The following GRIK2 variants were observed in gnomAD, a reference collection of about 807,000 sequenced individuals.
GRIK2 encodes glutamate receptor ionotropic, kainate 2.
GRIK2 carries 32 observed loss-of-function variants against 100.3 expected under a neutral mutation model. The ratio of observed to expected loss-of-function variants is 0.32; its 90% CI spans 0.24 to 0.43. The LOEUF is 0.43. Ranked by LOEUF, GRIK2 falls within the 20% of genes least tolerant of loss-of-function variation. The pLI is 1.00. For missense variants in GRIK2, 843 were observed against 1,114.9 expected, an observed-to-expected ratio of 0.76 and a Z score of 3.47; for synonymous variants, 417 against 389.4, an observed-to-expected ratio of 1.07 and a Z score of -0.83.
chr6:102,025,643 T>G (rs569895163), intron 14 of GRIK2, among the ~76,000 whole-genome samples: 1 of 151,164 alleles, frequency 6.6e-6, no homozygotes, highest in South Asian at 2.1e-4. Context: ...AATTAATGAT[T>G]AATATAATCA....
intron 10 of GRIK2, among the ~76,000 whole-genome samples, chr6:101,856,813 G>A (rs563094987): frequency 4.6e-5 from 7 of 152,150 alleles, no homozygotes; most frequent in South Asian, 4.2e-4. Flanking sequence ...TTGACCATGC[G>A]GAAGAGAGAC....
chr6:102,006,384 A>AT (rs1795228774), intron 14 of GRIK2, among the ~76,000 whole-genome samples: 2 of 111,752 alleles, frequency 1.8e-5, no homozygotes, highest in Admixed American at 8.3e-5. Context: ...ATATATATAT[A>AT]TATATATTTT....
At chr6:101,554,551 A>G (rs1327369243) in intron 2 of GRIK2, among the ~76,000 whole-genome samples, 1 of 152,176 alleles carries the variant, frequency 6.6e-6, no homozygotes, top group Non-Finnish European at 1.5e-5. Context: ...CTCTGCCTTT[A>G]TATCTACTCC....
intron 7 of GRIK2, among the ~76,000 whole-genome samples, chr6:101,701,351 C>T (rs539932535): frequency 6.6e-6 from 1 of 152,052 alleles, no homozygotes; most frequent in African/African-American, 2.4e-5. Flanking sequence ...CCTGTGCCTT[C>T]GTAGTACCTG....
chr6:101,484,538 TACACAC>T (rs138774364), intron 2 of GRIK2, among the ~76,000 whole-genome samples: 142 of 148,134 alleles, frequency 9.6e-4, no homozygotes, highest in African/African-American at 2.3e-3. Flanking sequence ...TATATGTAAC[TACACAC>T]ACACACACAC....
At chr6:101,448,681 C>T (rs1211690817) in intron 2 of GRIK2, among the ~76,000 whole-genome samples, 1 of 151,484 alleles carries the variant, frequency 6.6e-6, no homozygotes, top group East Asian at 1.9e-4. Context: ...GTTTTATTGA[C>T]AGCAACAAAA....
intron 7 of GRIK2, among the ~76,000 whole-genome samples, chr6:101,791,187 T>G (rs1186421999): frequency 6.6e-6 from 1 of 152,158 alleles, no homozygotes; most frequent in Admixed American, 6.6e-5. Flanking sequence ...TGTTGAAGGG[T>G]TTTTTGTGTG....
At chr6:101,793,258 C>A (rs756083366) in intron 7 of GRIK2, among the ~76,000 whole-genome samples, 2 of 152,206 alleles carry the variant, frequency 1.3e-5, no homozygotes, top group South Asian at 2.1e-4. Context: ...TGAGGAACTG[C>A]GTTCCTTTGG....
At chr6:101,962,794 A>T (rs1305863458) in intron 14 of GRIK2, among the ~76,000 whole-genome samples, 7 of 152,072 alleles carry the variant, frequency 4.6e-5, no homozygotes, top group African/African-American at 1.7e-4. Context: ...TCTCAATATA[A>T]CTATAAAATA....
chr6:101,736,080 TC>T (rs1283718557), intron 7 of GRIK2, among the ~76,000 whole-genome samples: 1 of 151,994 alleles, frequency 6.6e-6, no homozygotes, highest in African/African-American at 2.4e-5. Flanking sequence ...CTTTTTTTAC[TC>T]CATGTCTCAC....
intron 14 of GRIK2, among the ~76,000 whole-genome samples, chr6:102,005,056 C>T (rs1291157891): frequency 6.6e-6 from 1 of 151,568 alleles, no homozygotes; most frequent in Admixed American, 6.6e-5. Flanking sequence ...CTTCTTTTTA[C>T]ATATTTTGTT....
intron 2 of GRIK2, among the ~76,000 whole-genome samples, chr6:101,419,483 A>G (rs1331542076): frequency 6.6e-6 from 1 of 152,218 alleles, no homozygotes; most frequent in Non-Finnish European, 1.5e-5. Flanking sequence ...ATATTAACAC[A>G]CAGTTCTGAC....
intron 11 of GRIK2, among the ~76,000 whole-genome samples, chr6:101,875,208 G>A (rs1785739419): frequency 6.6e-6 from 1 of 151,932 alleles, no homozygotes; most frequent in African/African-American, 2.4e-5. Context: ...AGTGTAACAA[G>A]GATGAGTGTT....
At chr6:101,985,154 C>T (rs911418235) in intron 14 of GRIK2, among the ~76,000 whole-genome samples, 2 of 151,698 alleles carry the variant, frequency 1.3e-5, no homozygotes, top group African/African-American at 4.8e-5. Flanking sequence ...AAATTTAAAA[C>T]TTCATACCAT....
In GRIK2 at chr6:101,736,003, A is replaced by G. The variant is rs138639271; in HGVS notation, c.951+49650A>G. 1.5e-4 allele frequency among the ~76,000 whole-genome samples: 23 copies of G among 152,334 alleles called. 1 individual carries two copies. In the East Asian group the frequency reaches 4.1e-3, roughly 27 times the overall value. ...ATTCCAAAAGGGAGAAATCGGCCCA[A>G]AACAAAGGGGCTACAGGCCCCATGC... On this transcript the variant is annotated intron_variant, in intron 7 of 16. Coordinates refer to ENST00000369134, the MANE Select transcript of GRIK2 (RefSeq NM_021956.5).
In GRIK2 at chr6:101,795,520, G is replaced by T. The variant is rs144154382; in HGVS notation, c.952-4128G>T. 3.0e-3 allele frequency among the ~76,000 whole-genome samples: 464 copies of T among 152,322 alleles called. 1 individual carries two copies. The highest frequency in any genetic ancestry group is 5.0e-3 in the South Asian group (24 of 4,832). ...GGGCCAATTGTTGGGCCTCCAGGAA[G>T]CTTGCTTCGGTTCAGTAGTGGCAGC... On this transcript the variant is annotated intron_variant, in intron 7 of 16. Coordinates refer to ENST00000369134, the MANE Select transcript of GRIK2 (RefSeq NM_021956.5).
At chr6:101,474,559 C>A (rs972258375) in intron 2 of GRIK2, among the ~76,000 whole-genome samples, 3 of 151,714 alleles carry the variant, frequency 2.0e-5, no homozygotes, top group African/African-American at 7.2e-5. Flanking sequence ...TTTGCTTTAG[C>A]TTTTTCTAGT....
chr6:101,935,792 C>T (rs896427174), intron 14 of GRIK2, among the ~76,000 whole-genome samples: 1 of 151,948 alleles, frequency 6.6e-6, no homozygotes, highest in African/African-American at 2.4e-5. Context: ...TAAATTAGTA[C>T]ACAATTCTAA....
intron 14 of GRIK2, among the ~76,000 whole-genome samples, chr6:101,983,928 A>AAT (rs768787537): frequency 4.0e-5 from 6 of 151,798 alleles, no homozygotes; most frequent in Admixed American, 2.0e-4. Context: ...AAATTTTGGA[A>AAT]ATATGTTTGC....
Sources: allele counts gnomAD v4.1 joint callset (sites outside exome capture counted in the v4.1 genomes callset), GRCh38; gene constraint gnomAD v4.1.1; transcripts MANE v1.5; gene names NCBI Gene and HGNC (gene_info 2026-07-23, HGNC 2026-07-21).